Variants in PRKN observed in about 807,000 individuals in gnomAD.
PRKN encodes the protein E3 ubiquitin-protein ligase parkin.
Under a neutral mutation model 59.5 loss-of-function variants are expected in PRKN, and 56 were observed. That is an observed-to-expected ratio of 0.94 (90% confidence interval 0.76 to 1.18). The LOEUF is 1.18. Among genes scored for constraint, PRKN ranks in the 50% most tolerant of loss-of-function variants. The pLI is 0.00. For missense variants in PRKN, 657 were observed against 596.4 expected (o/e 1.10, Z -1.06); for synonymous variants, 250 against 222.1 (o/e 1.13, Z -1.12).
chr6:161,839,132 T>C (rs940383571), intron 6 of PRKN, among the ~76,000 whole-genome samples: 1 of 152,048 alleles, frequency 6.6e-6, no homozygotes, highest in Non-Finnish European at 1.5e-5. Flanking sequence ...CAGAGCTCTC[T>C]TGTCTACTGA....
chr6:161,867,810 G>T (rs1422585747), intron 6 of PRKN, among the ~76,000 whole-genome samples: 1 of 149,586 alleles, frequency 6.7e-6, no homozygotes, highest in Non-Finnish European at 1.5e-5. Context: ...ACCCAGGCTG[G>T]AGTGCAGCGG....
At chr6:162,521,022 T>A (rs1778061561) in intron 1 of PRKN, among the ~76,000 whole-genome samples, 1 of 152,156 alleles carries the variant, frequency 6.6e-6, no homozygotes, top group South Asian at 2.1e-4. Flanking sequence ...GGCAAATCCA[T>A]GATTAATATT....
At chr6:161,812,749 G>T (rs1184647537) in intron 6 of PRKN, among the ~76,000 whole-genome samples, 3 of 152,150 alleles carry the variant, frequency 2.0e-5, no homozygotes, top group Admixed American at 2.0e-4. Flanking sequence ...TGTTGGCAAG[G>T]ATATAGAGAA....
chr6:162,233,909 G>C (rs1345737289), intron 3 of PRKN, among the ~76,000 whole-genome samples: 2 of 152,124 alleles, frequency 1.3e-5, no homozygotes, highest in African/African-American at 4.8e-5. Context: ...GCATGCTCTT[G>C]GACTTTCCAG....
At chr6:161,934,145 G>A (rs9347571) in intron 6 of PRKN, among the ~76,000 whole-genome samples, 85,048 of 152,038 alleles carry the variant, frequency 0.56, 23,978 homozygotes, top group Middle Eastern at 0.67. Context: ...CCAGTTTTCA[G>A]GAGATCTGAT....
chr6:161,761,643 A>T (rs2128198747), intron 7 of PRKN, among the ~76,000 whole-genome samples: 1 of 152,292 alleles, frequency 6.6e-6, no homozygotes, highest in Middle Eastern at 3.4e-3. Context: ...CCATTCTGAA[A>T]TGTTAAAGGA....
intron 2 of PRKN, among the ~76,000 whole-genome samples, chr6:162,381,952 T>C (rs1046084286): frequency 2.0e-5 from 3 of 152,138 alleles, no homozygotes; most frequent in African/African-American, 2.4e-5. Context: ...CACAGCACAA[T>C]TGCAGATCAG....
chr6:162,212,470 C>T (rs186002444), intron 3 of PRKN, among the ~76,000 whole-genome samples: 13 of 152,226 alleles, frequency 8.5e-5, no homozygotes, highest in South Asian at 8.3e-4. Flanking sequence ...GAAAGTTGCT[C>T]GGCCTGTGCT....
chr6:161,589,580 A>G (rs1781641568), intron 7 of PRKN, among the ~76,000 whole-genome samples: 1 of 152,050 alleles, frequency 6.6e-6, no homozygotes, highest in African/African-American at 2.4e-5. Context: ...AAGAAAGAGG[A>G]AAATACATGT....
chr6:162,696,856 T>C (rs1445647554), intron 1 of PRKN, among the ~76,000 whole-genome samples: 1 of 152,118 alleles, frequency 6.6e-6, no homozygotes, highest in African/African-American at 2.4e-5. Context: ...AGGAAGAACT[T>C]TTAAAAAACA....
In PRKN at chr6:161,785,879, G is replaced by T; in HGVS notation, c.764C>A (p.Ser255Tyr). 1 of 1,614,140 alleles carries T rather than the reference G, an allele frequency of 6.2e-7. No homozygotes were observed. The highest frequency in any genetic ancestry group is 1.3e-5 in the African/African-American group (1 of 75,052). Residue 255 changes from serine (S) to tyrosine (Y), a missense_variant, in exon 7 of 12, where the codon TCC (serine) becomes TAC (tyrosine). Physicochemically the swap from Ser to Tyr is moderately radical, Grantham distance 144. Coordinates refer to ENST00000366898, the MANE Select transcript of PRKN (RefSeq NM_004562.3). ...ACAGTCTAAGCAAATCACGTGGCGG[G>T]AGTTGCACTGGAAAACCAGGACGGG... ...RSPVLVFQCN[S>Y]RHVICLDCFH...
intron 1 of PRKN, among the ~76,000 whole-genome samples, chr6:162,713,812 A>C (rs1302002669): frequency 6.6e-6 from 1 of 152,218 alleles, no homozygotes; most frequent in Non-Finnish European, 1.5e-5. Context: ...TATAGAAGCT[A>C]ATTATTAAAA....
At chr6:161,714,917 C>A (rs958474414) in intron 7 of PRKN, among the ~76,000 whole-genome samples, 13 of 152,186 alleles carry the variant, frequency 8.5e-5, no homozygotes, top group Non-Finnish European at 1.8e-4. Flanking sequence ...AATATCCCCA[C>A]AATAAACTTC....
Position 162,333,981 on chromosome 6 carries a change from G to A in PRKN, c.172-71216C>T, listed in dbSNP as rs143795815. ...GAAAGTCTGAGTTATCTGGATACAAGATCGAAACAGCCACAACATTCCCTA... is the reference window on the plus strand; with the variant it reads ...GAAAGTCTGAGTTATCTGGATACAAAATCGAAACAGCCACAACATTCCCTA... On this transcript the variant is annotated intron_variant, in intron 2 of 11. Coordinates refer to ENST00000366898, the MANE Select transcript of PRKN (RefSeq NM_004562.3). Among the ~76,000 whole-genome samples the A allele has an allele frequency of 1.5e-3, 233 of 152,280 alleles. 1 individual carries two copies. The highest frequency in any genetic ancestry group is 5.3e-3 in the African/African-American group (220 of 41,560).
Position 162,257,132 on chromosome 6 carries a change from C to T in PRKN, c.412+5393G>A, listed in dbSNP as rs561195561. Among the ~76,000 whole-genome samples, 5 of 152,228 alleles carry T rather than the reference C, an allele frequency of 3.3e-5. No homozygotes were observed. The East Asian group carries it at 5.8e-4, about 18-fold the overall frequency. On this transcript the variant is annotated intron_variant, in intron 3 of 11. Coordinates refer to ENST00000366898, the MANE Select transcript of PRKN (RefSeq NM_004562.3). ...TCAATTGCATGCTGACACTCCTTCC[C>T]GCTCTATTTCATGACATGTCTCCTC... is the stretch of plus-strand genomic sequence containing the variant.
At position 161,400,417 on chromosome 6, in the gene PRKN, C is replaced by T. The variant is rs1247456870; in HGVS notation, c.1084-13540G>A. Among the ~76,000 whole-genome samples the T allele has an allele frequency of 1.3e-5, 2 of 151,846 alleles. No individual in the cohort carries two copies. The highest frequency in any genetic ancestry group is 4.8e-5 in the African/African-American group (2 of 41,314). ...GTACCTCCCAGGTTCAAGCAATTCT[C>T]CTGCCTCAGCCTCCCAAGTAGCTGG... On this transcript the variant is annotated intron_variant, in intron 9 of 11. Coordinates refer to ENST00000366898, the MANE Select transcript of PRKN (RefSeq NM_004562.3). The surrounding 1 kb of genome is among the most constrained non-coding windows in gnomAD (Gnocchi z 4.2).
At chr6:162,521,585 GA>G (rs1305855233) in intron 1 of PRKN, among the ~76,000 whole-genome samples, 1 of 151,898 alleles carries the variant, frequency 6.6e-6, no homozygotes, top group Non-Finnish European at 1.5e-5. Flanking sequence ...CAGTTTGTTG[GA>G]AAAAACATAT....
At chr6:162,386,828 C>G (rs1786848030) in intron 2 of PRKN, among the ~76,000 whole-genome samples, 2 of 152,150 alleles carry the variant, frequency 1.3e-5, no homozygotes, top group Admixed American at 6.5e-5. Flanking sequence ...GTTTCAAACT[C>G]AATCTAAACC....
intron 1 of PRKN, among the ~76,000 whole-genome samples, chr6:162,516,526 C>T (rs1056308712): frequency 4.6e-5 from 7 of 152,178 alleles, no homozygotes; most frequent in South Asian, 2.1e-4. Context: ...CCGAGGTGGG[C>T]GGATCACTTG....
Sources: gnomAD v4.1 joint callset for allele counts (sites outside exome capture counted in the v4.1 genomes callset) on GRCh38, gnomAD v4.1.1 for gene constraint, Gnocchi (gnomAD v3.1) non-coding constraint, MANE v1.5 for transcripts, NCBI Gene and HGNC (gene_info 2026-07-23, HGNC 2026-07-21) for gene names.